The following SPTB variants were observed in gnomAD, a reference collection of about 807,000 sequenced individuals.
SPTB encodes spectrin beta chain, erythrocytic.
In SPTB, 45 loss-of-function variants were observed where a neutral mutation model predicts 256.2. The observed-to-expected ratio is 0.18, with a 90% CI of 0.14 to 0.23. The LOEUF (loss-of-function observed/expected upper bound fraction) is 0.23. Among genes scored for constraint, SPTB ranks in the 10% least tolerant of loss-of-function variants. The probability of loss-of-function intolerance (pLI) is 1.00; values close to 1 mark genes in which losing one functional copy is unlikely to be tolerated. For missense variants in SPTB, 2,715 were observed against 3,040.4 expected, an observed-to-expected ratio of 0.89 and a Z score of 2.52; for synonymous variants, 1,231 against 1,243.1, an observed-to-expected ratio of 0.99 and a Z score of 0.21.
chr14:64,814,928 G>T (rs1344934749), intron 2 of SPTB, among the ~76,000 whole-genome samples: 1 of 152,132 alleles, frequency 6.6e-6, no homozygotes, highest in Non-Finnish European at 1.5e-5. Context: ...TTTTCATCTG[G>T]AGTTTGAAGA....
rs1011578614 is a variant in SPTB, at chr14:64,853,095, C to A, written c.-52+26697G>T. 1.3e-5 allele frequency among the ~76,000 whole-genome samples: 2 copies of A among 151,902 alleles called. No individual in the cohort carries two copies. Among genetic ancestry groups the A allele is most frequent in the Non-Finnish European group, 2.9e-5 (2 of 68,028 alleles). On this transcript the variant is annotated intron_variant, in intron 1 of 35. Transcript: ENST00000644917. The surrounding 1 kb of genome is among the most constrained non-coding windows in gnomAD (Gnocchi z 4.3). Reference sequence around the variant, plus strand: ...GACAGGCAATGGGACAAATAAGAGACAGGCAAAGAATGGGGAAAGAGCATG... The same window carrying A: ...GACAGGCAATGGGACAAATAAGAGAAAGGCAAAGAATGGGGAAAGAGCATG...
chr14:64,852,576 GGA>G lies in SPTB; in HGVS notation c.-52+27214_-52+27215del, dbSNP rs2083805395. Among the ~76,000 whole-genome samples, 1 of 152,182 alleles carries G rather than the reference GGA, an allele frequency of 6.6e-6. No homozygotes were observed. Among genetic ancestry groups the G allele is most frequent in the Non-Finnish European group, 1.5e-5 (1 of 68,032 alleles). On this transcript the variant is annotated intron_variant, in intron 1 of 35. Transcript: ENST00000644917. The surrounding 1 kb of genome is among the most constrained non-coding windows in gnomAD (Gnocchi z 4.2). ...CAAGAGACGGTGTGGGCAAGACTCAGGACTTTGGTAGCCAAGATGGTGGGGAG... is the reference window on the plus strand; with the variant it reads ...CAAGAGACGGTGTGGGCAAGACTCAGCTTTGGTAGCCAAGATGGTGGGGAG...
In SPTB at chr14:64,785,700, T is replaced by C; in HGVS notation, c.3764+49A>G. 1 of 1,612,534 alleles carries C rather than the reference T, an allele frequency of 6.2e-7. No homozygotes were observed. Among genetic ancestry groups the C allele is most frequent in the Non-Finnish European group, 8.5e-7 (1 of 1,178,594 alleles). ...TCCTCACCAAGCTTGGGGTCCTCAC[T>C]ACCCCCGTGTGGCTCTGGGGGCCTC... On this transcript the variant is annotated intron_variant, in intron 17 of 35. Coordinates refer to ENST00000644917, the MANE Select transcript of SPTB (RefSeq NM_001355436.2). This position sits in a 1 kb window ranked among gnomAD's most constrained non-coding sequence, Gnocchi z 4.4.
At chr14:64,788,032 C>T (rs887821690) in intron 15 of SPTB, among the ~76,000 whole-genome samples, 2 of 152,238 alleles carry the variant, frequency 1.3e-5, no homozygotes, top group African/African-American at 2.4e-5. Context: ...CATAACCAGA[C>T]CATGCCCTGT....
chr14:64,833,648 C>T (rs2083481156), intron 1 of SPTB, among the ~76,000 whole-genome samples: 1 of 152,110 alleles, frequency 6.6e-6, no homozygotes, highest in South Asian at 2.1e-4. Flanking sequence ...CACTCTCATG[C>T]TCATCTTCAT....
intron 25 of SPTB, 70 bp from the exon 26 acceptor site, chr14:64,773,024 A>T (rs1435554602): frequency 2.5e-6 from 4 of 1,579,418 alleles, no homozygotes; most frequent in African/African-American, 2.7e-5. Context: ...AGCTTAGCCA[A>T]AGACTTTCCC....
At chr14:64,859,718 CTCTATATATATATA>C (rs2083932561) in intron 1 of SPTB, among the ~76,000 whole-genome samples, 2 of 19,478 alleles carry the variant, frequency 1.0e-4, no homozygotes, top group African/African-American at 2.4e-4. Flanking sequence ...CTCTCTCTCT[CTCTATATATATATA>C]TATATGCATA....
At chr14:64,767,559 C>A in intron 30 of SPTB, 104 bp downstream of exon 30, 1 of 1,496,608 alleles carries the variant, frequency 6.7e-7, no homozygotes, top group South Asian at 1.1e-5. Flanking sequence ...CCAAGCCTGT[C>A]ACACCATTCT....
chr14:64,863,808 T>C (rs1315643374), intron 1 of SPTB, among the ~76,000 whole-genome samples: 1 of 152,250 alleles, frequency 6.6e-6, no homozygotes, highest in Non-Finnish European at 1.5e-5. Flanking sequence ...TTGGGTCAAG[T>C]AGATCTGGCT....
intron 33 of SPTB, among the ~76,000 whole-genome samples, chr14:64,751,034 A>C (rs942346039): frequency 6.9e-6 from 1 of 145,630 alleles, no homozygotes; most frequent in Non-Finnish European, 1.5e-5. Flanking sequence ...TATATTATAT[A>C]TGTAGCAATT....
chr14:64,870,167 C>G (rs2139821416), intron 1 of SPTB, among the ~76,000 whole-genome samples: 1 of 152,216 alleles, frequency 6.6e-6, no homozygotes, highest in Admixed American at 6.5e-5. Flanking sequence ...ATCAGCGCTA[C>G]CCCAGGACCT....
chr14:64,783,085 G>A (rs934298090), intron 19 of SPTB, among the ~76,000 whole-genome samples: 8 of 152,122 alleles, frequency 5.3e-5, no homozygotes, highest in African/African-American at 1.9e-4. Flanking sequence ...ACTAACCTTC[G>A]CTGACCTCCT....
chr14:64,815,018 A>ATG (rs927247115), intron 2 of SPTB, among the ~76,000 whole-genome samples: 7 of 117,402 alleles, frequency 6.0e-5, no homozygotes, highest in South Asian at 3.2e-4. Flanking sequence ...CAAGGTGTGT[A>ATG]TGTGTGTGTG....
At chr14:64,831,539 T>C (rs1377863367) in intron 1 of SPTB, among the ~76,000 whole-genome samples, 2 of 152,226 alleles carry the variant, frequency 1.3e-5, no homozygotes, top group African/African-American at 4.8e-5. Context: ...TGGGTCATGC[T>C]GAATATAGAT....
At chr14:64,763,382 C>T (rs920730484) in intron 32 of SPTB, among the ~76,000 whole-genome samples, 9 of 152,254 alleles carry the variant, frequency 5.9e-5, no homozygotes, top group African/African-American at 1.9e-4. Flanking sequence ...CCCACAGGGA[C>T]GAAGGCAAAC....
rs1018645078 is a variant in SPTB at position 64,790,692 on chromosome 14, C to A, written c.2804+1027G>T. The stretch of plus-strand genomic sequence containing the variant: ...GGCCCACCTCCCAGATTGCCTCAGG[C>A]AGAGCAACGCTCAGGCACAGGTGTG... On this transcript the variant is annotated intron_variant, in intron 15 of 35. Coordinates refer to ENST00000644917, the MANE Select transcript of SPTB (RefSeq NM_001355436.2). This position sits in a 1 kb window ranked among gnomAD's most constrained non-coding sequence, Gnocchi z 4.8. Among the ~76,000 whole-genome samples, 1 of 152,210 alleles carries A rather than the reference C, an allele frequency of 6.6e-6. No individual in the cohort carries two copies. The highest frequency in any genetic ancestry group is 1.5e-5 in the Non-Finnish European group (1 of 68,044).
chr14:64,791,144 C>T (rs2082662686), intron 15 of SPTB, among the ~76,000 whole-genome samples: 1 of 152,180 alleles, frequency 6.6e-6, no homozygotes, highest in Non-Finnish European at 1.5e-5. Context: ...CACACCCACC[C>T]TCCCCAGGCA....
At chr14:64,869,634 T>TC (rs1011489040) in intron 1 of SPTB, among the ~76,000 whole-genome samples, 3 of 149,198 alleles carry the variant, frequency 2.0e-5, no homozygotes, top group Admixed American at 2.0e-4. Flanking sequence ...TTTTTTTTTT[T>TC]TTTTTGAGAC....
chr14:64,879,525 G>A (rs970504613), intron 1 of SPTB, among the ~76,000 whole-genome samples: 26 of 152,170 alleles, frequency 1.7e-4, no homozygotes, highest in Non-Finnish European at 2.9e-5. Flanking sequence ...CCGGGATCCC[G>A]CTCTCCAAAG....
Sources: allele counts gnomAD v4.1 joint callset (sites outside exome capture counted in the v4.1 genomes callset), GRCh38; gene constraint gnomAD v4.1.1; non-coding constraint Gnocchi (gnomAD v3.1); transcripts MANE v1.5; gene names NCBI Gene and HGNC (gene_info 2026-07-23, HGNC 2026-07-21).